The following AUNIP variants were observed in gnomAD, a reference collection of about 807,000 sequenced individuals.
AUNIP encodes the protein aurora kinase A- and ninein-interacting protein.
In AUNIP, 16 loss-of-function variants were observed where a neutral mutation model predicts 12.2. The observed-to-expected ratio is 1.31, with a 90% CI of 0.88 to 1.99. The LOEUF (loss-of-function observed/expected upper bound fraction) is 1.99, where lower values mean the gene tolerates loss of function less well. AUNIP is among the 30% of genes most tolerant of loss of function. The pLI is 0.00. For synonymous variants in AUNIP, 142 were observed against 154.8 expected, an observed-to-expected ratio of 0.92 and a Z score of 0.61; for missense variants, 411 against 419.1, an observed-to-expected ratio of 0.98 and a Z score of 0.17.
intron 1 of AUNIP, among the ~76,000 whole-genome samples, chr1:25,841,443 A>G (rs2048346832): frequency 6.6e-6 from 1 of 152,136 alleles, no homozygotes; most frequent in South Asian, 2.1e-4. Flanking sequence ...ATTTTCCAAC[A>G]GCATGTGCTC....
downstream of AUNIP, chr1:25,832,047 TC>T (rs373824378): frequency 1.7e-5 from 27 of 1,613,932 alleles, 1 homozygote; most frequent in African/African-American, 1.7e-4. Context: ...CTCTGCAAAC[TC>T]AGTCTCATGC....
intron 2 of AUNIP, among the ~76,000 whole-genome samples, chr1:25,836,624 C>T (rs1380269345): frequency 1.3e-5 from 2 of 152,204 alleles, no homozygotes; most frequent in Non-Finnish European, 2.9e-5. Flanking sequence ...AAGAATTATA[C>T]TGCAGAAACT....
chr1:25,832,184 A>G (rs2048253995), downstream of AUNIP: 1 of 1,540,784 alleles, frequency 6.5e-7, no homozygotes, highest in Non-Finnish European at 8.7e-7. Flanking sequence ...TGGATTATAT[A>G]TTTCCCAGAC....
intron 1 of AUNIP, among the ~76,000 whole-genome samples, chr1:25,853,597 AAAACAAACAAAC>A (rs916958614): frequency 2.0e-5 from 3 of 152,192 alleles, no homozygotes; most frequent in Admixed American, 6.5e-5. Context: ...TCTGTCTCAA[AAAACAAACAAAC>A]AAACAAAAAC....
At chr1:25,839,887 G>A (rs1426225271) in intron 1 of AUNIP, among the ~76,000 whole-genome samples, 3 of 152,090 alleles carry the variant, frequency 2.0e-5, no homozygotes, top group Non-Finnish European at 2.9e-5. Context: ...AGCTGGTCTC[G>A]AACTCCTGAC....
At chr1:25,838,574 T>C (rs559001625) in intron 1 of AUNIP, among the ~76,000 whole-genome samples, 2 of 151,966 alleles carry the variant, frequency 1.3e-5, no homozygotes, top group South Asian at 4.2e-4. Flanking sequence ...TCCCGGCACA[T>C]AGAAAACATT....
At chr1:25,854,083 C>T (rs213646) in intron 1 of AUNIP, among the ~76,000 whole-genome samples, 32,631 of 151,906 alleles carry the variant, frequency 0.21, 3,785 homozygotes, top group African/African-American at 0.27. Context: ...TAGTGGTGCA[C>T]GCCTGTAATC....
downstream of AUNIP, chr1:25,832,389 T>A (rs2048257140): frequency 8.1e-6 from 4 of 492,488 alleles, no homozygotes; most frequent in South Asian, 9.0e-5. Flanking sequence ...CACAAGACAC[T>A]TTGTGCCCAG....
rs761229800 is a variant in AUNIP at position 25,837,517 on chromosome 1, AG to A, written c.115del (p.Leu39SerfsTer65). The A allele has an allele frequency of 7.0e-4, 1,129 of 1,613,812 alleles. No homozygotes were observed. Among genetic ancestry groups the A allele is most frequent in the Non-Finnish European group, 8.5e-4 (1,002 of 1,179,770 alleles). On this transcript the variant is annotated frameshift_variant, in exon 2 of 3. Coordinates refer to ENST00000374298, the MANE Select transcript of AUNIP (RefSeq NM_024037.3). LOFTEE classifies it high-confidence loss of function. ...ATTAGCCTTTCTTTCTCCAGGAAGGAGTGTTAGCATTTTGGTGCCTGGTTTG... is the reference window on the plus strand; with the variant it reads ...ATTAGCCTTTCTTTCTCCAGGAAGGATGTTAGCATTTTGGTGCCTGGTTTG... The part of the protein sequence containing the change: ...LIKPGTKMLT[L>X]LPGERKANIY...
rs2124496449 is a variant in AUNIP at position 25,837,528 on chromosome 1, TTTGGTGCC to T, written c.97_104del (p.Gly33AsnfsTer12). On this transcript the variant is annotated frameshift_variant, in exon 2 of 3. Transcript: ENST00000374298. LOFTEE classifies it high-confidence loss of function. ...TTTCTCCAGGAAGGAGTGTTAGCATTTTGGTGCCTGGTTTGATTAAATGTGTCTGAGAA... is the reference window on the plus strand; with the variant it reads ...TTTCTCCAGGAAGGAGTGTTAGCATTTGGTTTGATTAAATGTGTCTGAGAA... The T allele has an allele frequency of 6.2e-7, 1 of 1,613,724 alleles. No homozygotes were observed. Among genetic ancestry groups the T allele is most frequent in the East Asian group, 2.2e-5 (1 of 44,874 alleles).
chr1:25,852,460 G>GTTTT (rs369193804), intron 1 of AUNIP, among the ~76,000 whole-genome samples: 1 of 114,128 alleles, frequency 8.8e-6, no homozygotes, highest in Non-Finnish European at 1.8e-5. Context: ...TTTTTTTTTT[G>GTTTT]TTGTTTTTTT....
At chr1:25,856,317 T>G (rs1192223279) in intron 1 of AUNIP, among the ~76,000 whole-genome samples, 2 of 149,090 alleles carry the variant, frequency 1.3e-5, no homozygotes, top group Admixed American at 1.3e-4. Flanking sequence ...TGACCCGAGA[T>G]CATGCCACTA....
chr1:25,834,639 T>G lies in AUNIP; in HGVS notation c.*354A>C. Reference sequence around the variant, plus strand: ...TCAAAAAAAAAAAAAAAAAAACACATCCATAAGCAAGGTCCCAGTCAGACA... The same window carrying G: ...TCAAAAAAAAAAAAAAAAAAACACAGCCATAAGCAAGGTCCCAGTCAGACA... On this transcript the variant is annotated 3_prime_UTR_variant, in exon 3 of 3. Transcript: ENST00000374298. 5 of 898,080 alleles carry G rather than the reference T, an allele frequency of 5.6e-6. No homozygotes were observed. Among genetic ancestry groups the G allele is most frequent in the Non-Finnish European group, 6.7e-6 (5 of 750,468 alleles). 55.6% of individuals were successfully genotyped at this position (898,080 alleles called of 1,614,324 possible).
chr1:25,845,690 T>A (rs754463492), intron 1 of AUNIP, among the ~76,000 whole-genome samples: 1 of 152,188 alleles, frequency 6.6e-6, no homozygotes, highest in Non-Finnish European at 1.5e-5. Context: ...ATACACATAA[T>A]AGGTACTCAA....
intron 1 of AUNIP, among the ~76,000 whole-genome samples, chr1:25,856,664 A>G (rs1330767750): frequency 1.3e-5 from 2 of 152,112 alleles, no homozygotes; most frequent in African/African-American, 2.4e-5. Context: ...AACAAGAGCA[A>G]GACTCCATTT....
In AUNIP at chr1:25,834,638, A is replaced by T. The variant is rs940386852; in HGVS notation, c.*355T>A. 98 of 1,011,660 alleles carry T rather than the reference A, an allele frequency of 9.7e-5. No individual in the cohort carries two copies. Among genetic ancestry groups the T allele is most frequent in the Non-Finnish European group, 1.1e-4 (95 of 847,526 alleles). The allele number at this position is 1,011,660 out of a possible 1,614,324, so 62.7% of individuals were successfully genotyped here. A position where few individuals can be genotyped will look rare whatever the true frequency, so the allele number is the denominator to read the frequency against. On this transcript the variant is annotated 3_prime_UTR_variant, in exon 3 of 3. Coordinates refer to ENST00000374298, the MANE Select transcript of AUNIP (RefSeq NM_024037.3). ...CTCAAAAAAAAAAAAAAAAAAACAC[A>T]TCCATAAGCAAGGTCCCAGTCAGAC...
At chr1:25,835,958 G>A (rs754903468) in intron 2 of AUNIP, 112 bp from the exon 3 acceptor site, 210 of 1,435,710 alleles carry the variant, frequency 1.5e-4, no homozygotes, top group Non-Finnish European at 1.8e-4. Context: ...TAGTGCAGGA[G>A]TCTTAAGACT....
rs576460944 is a variant in AUNIP at position 25,858,560 on chromosome 1, C to T, written c.78+720G>A. Among the ~76,000 whole-genome samples, 4 of 152,312 alleles carry T rather than the reference C, an allele frequency of 2.6e-5. No homozygotes were observed. The East Asian group carries it at 5.8e-4, about 22-fold the overall frequency. The stretch of plus-strand genomic sequence containing the variant: ...CAATAAACATGAATGATTATTATGT[C>T]GCACTTTTGTTTCTTTACAGTGACT... On this transcript the variant is annotated intron_variant, in intron 1 of 2. Coordinates refer to ENST00000374298, the MANE Select transcript of AUNIP (RefSeq NM_024037.3).
rs1027335565 is a variant in AUNIP at position 25,834,268 on chromosome 1, A to G, written c.*725T>C. On this transcript the variant is annotated 3_prime_UTR_variant, in exon 3 of 3. Coordinates refer to ENST00000374298, the MANE Select transcript of AUNIP (RefSeq NM_024037.3). ...TAATCACTGAAAAAAAAGGGTCAAG[A>G]GTAATCATCCCAAGCTTAGGCTGAT... The G allele has an allele frequency of 1.0e-6, 1 of 985,424 alleles. No homozygotes were observed. The highest frequency in any genetic ancestry group is 1.2e-6 in the Non-Finnish European group (1 of 829,938). The allele number at this position is 985,424 out of a possible 1,614,324, so 61.0% of individuals were successfully genotyped here.
Sources: gnomAD v4.1 joint callset for allele counts (sites outside exome capture counted in the v4.1 genomes callset) on GRCh38, gnomAD v4.1.1 for gene constraint, MANE v1.5 for transcripts, NCBI Gene and HGNC (gene_info 2026-07-23, HGNC 2026-07-21) for gene names.